GCC1: variants seen among roughly 807,000 people sequenced by gnomAD.
The protein encoded by GCC1 is GRIP and coiled-coil domain-containing protein 1.
In GCC1, 36 loss-of-function variants were observed where a neutral mutation model predicts 62.5. That is an observed-to-expected ratio of 0.58 (90% CI 0.44 to 0.76). The LOEUF (loss-of-function observed/expected upper bound fraction) is 0.76. GCC1 is among the 30% of genes least tolerant of loss of function. The pLI, the probability that GCC1 is intolerant of heterozygous loss-of-function variation, is 0.00. For missense variants in GCC1, 885 were observed against 948.3 expected, an observed-to-expected ratio of 0.93 and a Z score of 0.88; for synonymous variants, 391 against 386.8, an observed-to-expected ratio of 1.01 and a Z score of -0.13.
chr7:127,582,542 G>T lies in GCC1; in HGVS notation c.1800C>A (p.Asp600Glu). Residue 600 changes from aspartate to glutamate, a missense_variant, in exon 2 of 2, where the codon GAC (aspartate) becomes GAA (glutamate). Physicochemically the swap from Asp to Glu is conservative, Grantham distance 45. Transcript: ENST00000321407. The surrounding 1 kb of genome is among the most constrained non-coding windows in gnomAD (Gnocchi z 4.8). The stretch of plus-strand genomic sequence containing the variant: ...CAGAACGCAGTTGCTCCAGTTCCAA[G>T]TCCTTCTCGGTGAGCACAGCTAGGG... Reference protein sequence around the residue: ...DRALAVLTEKDLELEQLRSVA... With the variant: ...DRALAVLTEKELELEQLRSVA... 6.2e-7 allele frequency: 1 copy of T among 1,611,508 alleles called. No individual in the cohort carries two copies. The highest frequency in any genetic ancestry group is 8.5e-7 in the Non-Finnish European group (1 of 1,180,042).
In GCC1 at chr7:127,582,173, G is replaced by A. The variant is rs200409039; in HGVS notation, c.2169C>T (p.Leu723=). 1 of 1,614,162 alleles carries A rather than the reference G, an allele frequency of 6.2e-7. No homozygotes were observed. Among genetic ancestry groups the A allele is most frequent in the Non-Finnish European group, 8.5e-7 (1 of 1,180,036 alleles). ...TCAGGAAGCGGTAGATGATGTTTTT[G>A]AGGTACTCCAGATTGGCTCCCTCCC... ...QSREGANLEY[L]KNIIYRFLTL... The change falls in exon 2 of 2, where the codon CTC becomes CTT. Residue 723 remains leucine (L), a synonymous_variant. Transcript: ENST00000321407. This position sits in a 1 kb window ranked among gnomAD's most constrained non-coding sequence, Gnocchi z 4.8.
rs1349248116 is a variant in GCC1, at chr7:127,583,247, G to A, written c.1095C>T (p.Ala365=). 3.7e-5 allele frequency: 60 copies of A among 1,612,906 alleles called. No individual in the cohort carries two copies. Among genetic ancestry groups the A allele is most frequent in the Non-Finnish European group, 4.9e-5 (58 of 1,179,556 alleles). The change falls in exon 2 of 2, where the codon GCC becomes GCT. Residue 365 remains alanine (A), a synonymous_variant. Coordinates refer to ENST00000321407, the MANE Select transcript of GCC1 (RefSeq NM_024523.6). ...QSQVEEQRVA[A]LENQISEVSE... is the part of the protein sequence containing the mutation. ...ACACCTCGGATATTTGATTCTCCAGGGCTGCCACCCTCTGTTCTTCTACCT... is the reference window on the plus strand; with the variant it reads ...ACACCTCGGATATTTGATTCTCCAGAGCTGCCACCCTCTGTTCTTCTACCT...
chr7:127,584,851 T>C lies in GCC1; in HGVS notation c.332A>G (p.Lys111Arg). ...LDTAASLTST[K>R]GEFGVEDDRP... ...GTCATCTTCTACCCCAAACTCACCC[T>C]TGGTGCTGGTGAGACTGGCCGCAGT... Residue 111 changes from lysine to arginine, a missense_variant, in exon 1 of 2, where the codon AAG becomes AGG. Lys to Arg is a conservative substitution (Grantham distance 26). Coordinates refer to ENST00000321407, the MANE Select transcript of GCC1 (RefSeq NM_024523.6). The C allele has an allele frequency of 1.2e-6, 2 of 1,614,194 alleles. No homozygotes were observed. Among genetic ancestry groups the C allele is most frequent in the Non-Finnish European group, 1.7e-6 (2 of 1,180,022 alleles).
chr7:127,585,378 C>A lies in GCC1; in HGVS notation c.-196G>T, dbSNP rs1311192630. On this transcript the variant is annotated 5_prime_UTR_variant, in exon 1 of 2. Transcript: ENST00000321407. ...GAAAGCGGCCGCCCGGTCCCAGGCC[C>A]GGAGGGCTGGGGCGGATTCTACCCC... 1 of 592,346 alleles carries A rather than the reference C, an allele frequency of 1.7e-6. No homozygotes were observed. Among genetic ancestry groups the A allele is most frequent in the Non-Finnish European group, 2.9e-6 (1 of 341,712 alleles). 36.7% of individuals were successfully genotyped at this position (592,346 alleles called of 1,614,324 possible).
Position 127,584,686 on chromosome 7 carries a change from G to C in GCC1, c.497C>G (p.Ala166Gly). The C allele has an allele frequency of 6.2e-7, 1 of 1,614,200 alleles. No homozygotes were observed. Among genetic ancestry groups the C allele is most frequent in the South Asian group, 1.1e-5 (1 of 91,074 alleles). Residue 166 changes from alanine to glycine, a missense_variant, in exon 1 of 2, where the codon GCT (alanine) becomes GGT (glycine). Transcript: ENST00000321407. ...TGTAGCCAAAGAACTGGTCAAAGTAGCCAACTGAGTCTTCAGCTGGTGCAG... is the reference window on the plus strand; with the variant it reads ...TGTAGCCAAAGAACTGGTCAAAGTACCCAACTGAGTCTTCAGCTGGTGCAG... ...KRLHQLKTQL[A>G]TLTSSLATVT...
In GCC1 at chr7:127,585,539, G is replaced by A. The variant is rs1177665714; in HGVS notation, c.-357C>T. 8.1e-6 allele frequency: 2 copies of A among 246,084 alleles called. No individual in the cohort carries two copies. The highest frequency in any genetic ancestry group is 2.3e-5 in the African/African-American group (1 of 43,966). The allele number at this position is 246,084 out of a possible 1,614,324, so 15.2% of individuals were successfully genotyped here. A position where few individuals can be genotyped will look rare whatever the true frequency, so the allele number is the denominator to read the frequency against. On this transcript the variant is annotated 5_prime_UTR_variant, in exon 1 of 2. Coordinates refer to ENST00000321407, the MANE Select transcript of GCC1 (RefSeq NM_024523.6). Reference sequence around the variant, plus strand: ...GCCCCCTCGGCCCACGTCGGCCAGAGGGTTACGCTGAGCTCGGTCCCATCA... The same window carrying A: ...GCCCCCTCGGCCCACGTCGGCCAGAAGGTTACGCTGAGCTCGGTCCCATCA...
Position 127,584,555 on chromosome 7 carries a change from G to A in GCC1, c.628C>T (p.Arg210Cys), listed in dbSNP as rs200284347. 1.4e-5 allele frequency: 23 copies of A among 1,614,016 alleles called. No individual in the cohort carries two copies. In the Admixed American group the frequency reaches 3.3e-4, roughly 23 times the overall value. The stretch of plus-strand genomic sequence containing the variant: ...AGCCCCTTCAATTCTCCCTCCAGGC[G>A]GGCCCTCTCCTCCTCCGCCTTGTTA... ...ASNKAEEERA[R>C]LEGELKGLQE... The change falls in exon 1 of 2, where the codon CGC becomes TGC. Residue 210 changes from arginine to cysteine, a missense_variant. By Grantham distance (180) the Arg-to-Cys change is radical. Coordinates refer to ENST00000321407, the MANE Select transcript of GCC1 (RefSeq NM_024523.6).
chr7:127,583,455 C>A (rs1794163246), intron 1 of GCC1, 146 bp from the exon 2 acceptor site: 2 of 638,932 alleles, frequency 3.1e-6, no homozygotes, highest in Admixed American at 5.8e-5. Context: ...GATTCAGGAG[C>A]TAACAAAAGT....
In GCC1 at chr7:127,582,349, C is replaced by T; in HGVS notation, c.1993G>A (p.Val665Met). ...LYAEQLARKE[V>M]EITSLRKQKH... ...TGCTTCCTCAGTGATGTGATCTCCACCTCCTTGCGGGCCAGTTGCTCAGCG... is the reference window on the plus strand; with the variant it reads ...TGCTTCCTCAGTGATGTGATCTCCATCTCCTTGCGGGCCAGTTGCTCAGCG... Residue 665 changes from valine (V) to methionine (M), a missense_variant, in exon 2 of 2, where the codon GTG becomes ATG. Coordinates refer to ENST00000321407, the MANE Select transcript of GCC1 (RefSeq NM_024523.6). This position sits in a 1 kb window ranked among gnomAD's most constrained non-coding sequence, Gnocchi z 4.8. The T allele has an allele frequency of 6.2e-7, 1 of 1,614,248 alleles. No homozygotes were observed. Among genetic ancestry groups the T allele is most frequent in the Admixed American group, 1.7e-5 (1 of 60,036 alleles).
rs1368263845 is a variant in GCC1, at chr7:127,585,015, G to T, written c.168C>A (p.Ile56=). 24 of 1,614,086 alleles carry T rather than the reference G, an allele frequency of 1.5e-5. No homozygotes were observed. The highest frequency in any genetic ancestry group is 1.7e-5 in the Non-Finnish European group (20 of 1,180,052). The change falls in exon 1 of 2, where the codon ATC becomes ATA. Residue 56 remains isoleucine, a synonymous_variant. Transcript: ENST00000321407. ...CCTCGTGGGATACCGACAGCACCTT[G>T]ATGCTGGCCTCTAATGCCTCTTTCT... ...LKEKEALEAS[I]KVLSVSHEAD... is the part of the protein sequence containing the mutation.
In GCC1 at chr7:127,580,913, A is replaced by G. The variant is rs1409356842; in HGVS notation, c.*1101T>C. 1.3e-5 allele frequency: 2 copies of G among 152,230 alleles called. No individual in the cohort carries two copies. The highest frequency in any genetic ancestry group is 4.8e-5 in the African/African-American group (2 of 41,462). 9.4% of individuals were successfully genotyped at this position (152,230 alleles called of 1,614,324 possible). ...GAATAAAGAAACTGAGTTTTCTGAG[A>G]ACCCCCTTTCCAGACTGCCTGAATA... is the stretch of plus-strand genomic sequence containing the variant. On this transcript the variant is annotated 3_prime_UTR_variant, in exon 2 of 2. Coordinates refer to ENST00000321407, the MANE Select transcript of GCC1 (RefSeq NM_024523.6).
Position 127,583,189 on chromosome 7 carries a change from G to A in GCC1, c.1153C>T (p.Gln385Ter). Reference sequence around the variant, plus strand: ...TTCTGAATGGCCAGCTGGTCCTTCTGCTTGGCTTTCTCGTAGGTGCCTAGC... The same window carrying A: ...TTCTGAATGGCCAGCTGGTCCTTCTACTTGGCTTTCTCGTAGGTGCCTAGC... ...ELLGTYEKAK[Q>*]KDQLAIQKLK... is the part of the protein sequence containing the mutation. The change falls in exon 2 of 2, where the codon CAG becomes TAG. Residue 385 changes from glutamine (Q) to a stop codon, truncating the protein, a stop_gained. Transcript: ENST00000321407. LOFTEE classifies it high-confidence loss of function. 6.2e-7 allele frequency: 1 copy of A among 1,613,974 alleles called. No homozygotes were observed.
At chr7:127,583,613 A>G (rs915016594) in intron 1 of GCC1, among the ~76,000 whole-genome samples, 1 of 152,220 alleles carries the variant, frequency 6.6e-6, no homozygotes, top group Non-Finnish European at 1.5e-5. Flanking sequence ...AATCCTATTA[A>G]GAAATCATAC....
chr7:127,581,898 A>G lies in GCC1; in HGVS notation c.*116T>C. ...CCTTCCCACATTGAAGACTCCTCCCAGCTCAACACAGTGAAGAAATAAATG... is the reference window on the plus strand; with the variant it reads ...CCTTCCCACATTGAAGACTCCTCCCGGCTCAACACAGTGAAGAAATAAATG... On this transcript the variant is annotated 3_prime_UTR_variant, in exon 2 of 2. Coordinates refer to ENST00000321407, the MANE Select transcript of GCC1 (RefSeq NM_024523.6). The G allele has an allele frequency of 2.5e-6, 2 of 813,020 alleles. 1 individual carries two copies. The highest frequency in any genetic ancestry group is 3.9e-6 in the Non-Finnish European group (2 of 514,038). The allele number at this position is 813,020 out of a possible 1,614,324, so 50.4% of individuals were successfully genotyped here. A position where few individuals can be genotyped will look rare whatever the true frequency, so the allele number is the denominator to read the frequency against.
Position 127,582,042 on chromosome 7 carries a change from G to A in GCC1, c.2300C>T (p.Ala767Val). Residue 767 changes from alanine to valine, a missense_variant, in exon 2 of 2, where the codon GCC (alanine) becomes GTC (valine). Transcript: ENST00000321407. This position sits in a 1 kb window ranked among gnomAD's most constrained non-coding sequence, Gnocchi z 4.8. The stretch of plus-strand genomic sequence containing the variant: ...TCTCTTGCCAGAAGGCCACCAGCTG[G>A]CACTGGTTGGGAGTCGCATTATCAC... Reference protein sequence around the residue: ...KQVIMRLPTSASWWPSGKR With the variant: ...KQVIMRLPTSVSWWPSGKR The A allele has an allele frequency of 6.2e-7, 1 of 1,612,740 alleles. No homozygotes were observed.
chr7:127,583,323 G>T lies in GCC1; in HGVS notation c.1033-14C>A, dbSNP rs1794162023. On this transcript the variant is annotated splice_polypyrimidine_tract_variant and intron_variant, in intron 1 of 1. Transcript: ENST00000321407. ...TGCAAGAGCTGTCTGCAAAACAAGGGAACAGACAAAAATGCATCCACAAAA... is the reference window on the plus strand; with the variant it reads ...TGCAAGAGCTGTCTGCAAAACAAGGTAACAGACAAAAATGCATCCACAAAA... 6.4e-7 allele frequency: 1 copy of T among 1,566,568 alleles called. No homozygotes were observed.
In GCC1 at chr7:127,585,503, A is replaced by G. The variant is rs1224097625; in HGVS notation, c.-321T>C. The stretch of plus-strand genomic sequence containing the variant: ...ACTCTCCGCTCGTCTGGGCCACAGC[A>G]GCCCGGGCCGGCCCCCTCGGCCCAC... On this transcript the variant is annotated 5_prime_UTR_variant, in exon 1 of 2. Coordinates refer to ENST00000321407, the MANE Select transcript of GCC1 (RefSeq NM_024523.6). 6.5e-6 allele frequency: 2 copies of G among 308,470 alleles called. No individual in the cohort carries two copies. The allele number at this position is 308,470 out of a possible 1,614,324, so 19.1% of individuals were successfully genotyped here. A position where few individuals can be genotyped will look rare whatever the true frequency, so the allele number is the denominator to read the frequency against.
chr7:127,585,502 C>G lies in GCC1; in HGVS notation c.-320G>C. On this transcript the variant is annotated 5_prime_UTR_variant, in exon 1 of 2. Transcript: ENST00000321407. ...CACTCTCCGCTCGTCTGGGCCACAG[C>G]AGCCCGGGCCGGCCCCCTCGGCCCA... The G allele has an allele frequency of 3.2e-6, 1 of 311,614 alleles. No individual in the cohort carries two copies. Among genetic ancestry groups the G allele is most frequent in the South Asian group, 6.2e-5 (1 of 16,144 alleles). The allele number at this position is 311,614 out of a possible 1,614,324, so 19.3% of individuals were successfully genotyped here. A position where few individuals can be genotyped will look rare whatever the true frequency, so the allele number is the denominator to read the frequency against.
chr7:127,584,346 T>A lies in GCC1; in HGVS notation c.837A>T (p.Ala279=). Residue 279 remains alanine, a synonymous_variant, in exon 1 of 2, where the codon GCA becomes GCT. Transcript: ENST00000321407. The stretch of plus-strand genomic sequence containing the variant: ...ATCCTTCCATCTGTTCAGCTGCATA[T>A]GCTCGTCCTGCCAAGGCTTCTCGGG... ...EETREALAGR[A]YAAEQMEGFE... is the part of the protein sequence containing the mutation. 1 of 1,613,892 alleles carries A rather than the reference T, an allele frequency of 6.2e-7. No individual in the cohort carries two copies. Among genetic ancestry groups the A allele is most frequent in the Non-Finnish European group, 8.5e-7 (1 of 1,179,988 alleles).
Sources: allele counts gnomAD v4.1 joint callset (sites outside exome capture counted in the v4.1 genomes callset), GRCh38; gene constraint gnomAD v4.1.1; non-coding constraint Gnocchi (gnomAD v3.1); transcripts MANE v1.5; gene names NCBI Gene and HGNC (gene_info 2026-07-23, HGNC 2026-07-21).